The following ST6GALNAC3 variants were observed in gnomAD, a reference collection of about 807,000 sequenced individuals.
ST6GALNAC3 encodes the protein ST6 N-acetylgalactosaminide alpha-2,6-sialyltransferase 3, also known as alpha-N-acetylgalactosaminide alpha-2,6-sialyltransferase 3.
In ST6GALNAC3, 25 loss-of-function variants were observed where a neutral mutation model predicts 32.7. The observed-to-expected ratio is 0.76, with a 90% CI of 0.56 to 1.07. The LOEUF (loss-of-function observed/expected upper bound fraction) is 1.07. ST6GALNAC3 is among the 50% of genes least tolerant of loss of function. ST6GALNAC3 has a pLI of 0.00. For synonymous variants in ST6GALNAC3, 129 were observed against 133.1 expected (o/e 0.97, Z 0.21); for missense variants, 355 against 382.4 (o/e 0.93, Z 0.60).
At chr1:76,595,742 A>G (rs1390108472) in intron 3 of ST6GALNAC3, among the ~76,000 whole-genome samples, 2 of 152,138 alleles carry the variant, frequency 1.3e-5, no homozygotes, top group African/African-American at 2.4e-5. Flanking sequence ...TTGCAGTTAC[A>G]TATATAAAAG....
intron 2 of ST6GALNAC3, among the ~76,000 whole-genome samples, chr1:76,339,390 T>C (rs958308590): frequency 4.6e-5 from 7 of 152,100 alleles, no homozygotes; most frequent in Non-Finnish European, 8.8e-5. Context: ...GGGAAGTTCC[T>C]AGGAAAAAGA....
intron 1 of ST6GALNAC3, among the ~76,000 whole-genome samples, chr1:76,217,701 T>C (rs979562911): frequency 3.3e-5 from 5 of 152,220 alleles, no homozygotes; most frequent in African/African-American, 1.2e-4. Flanking sequence ...CCAAAGTCCA[T>C]TGTATCATTC....
Position 76,509,606 on chromosome 1 carries a change from T to C in ST6GALNAC3, c.623+97189T>C, listed in dbSNP as rs1661706720. 6.6e-6 allele frequency among the ~76,000 whole-genome samples: 1 copy of C among 152,220 alleles called. No individual in the cohort carries two copies. The highest frequency in any genetic ancestry group is 1.9e-4 in the East Asian group (1 of 5,200). ...TAACAAATTATCACCAACTTTGTGG[T>C]TTAAAACAACACAAAGTTATTTTAT... On this transcript the variant is annotated intron_variant, in intron 3 of 4. Transcript: ENST00000328299. This position sits in a 1 kb window ranked among gnomAD's most constrained non-coding sequence, Gnocchi z 5.5.
chr1:76,344,697 A>T (rs1343757040), intron 2 of ST6GALNAC3, among the ~76,000 whole-genome samples: 1 of 152,208 alleles, frequency 6.6e-6, no homozygotes, highest in East Asian at 1.9e-4. Flanking sequence ...AGAATATGCT[A>T]TACTTTCCAA....
chr1:76,431,527 T>G (rs1405989690), intron 3 of ST6GALNAC3, among the ~76,000 whole-genome samples: 1 of 152,182 alleles, frequency 6.6e-6, no homozygotes, highest in Non-Finnish European at 1.5e-5. Flanking sequence ...TTCCTCTCCC[T>G]TTCTGTCTCT....
chr1:76,344,970 T>C (rs1648376874), intron 2 of ST6GALNAC3, among the ~76,000 whole-genome samples: 1 of 152,192 alleles, frequency 6.6e-6, no homozygotes, highest in Non-Finnish European at 1.5e-5. Context: ...GCTAGCTCTA[T>C]CATTTCCTCA....
chr1:76,267,405 C>A (rs1315664861), intron 1 of ST6GALNAC3, among the ~76,000 whole-genome samples: 1 of 152,144 alleles, frequency 6.6e-6, no homozygotes. Context: ...AACTACCTTC[C>A]TTACTTTATT....
chr1:76,579,759 G>C (rs1023181890), intron 3 of ST6GALNAC3, among the ~76,000 whole-genome samples: 2 of 151,944 alleles, frequency 1.3e-5, no homozygotes, highest in Non-Finnish European at 2.9e-5. Context: ...CTTATTTACT[G>C]TACTTAGTAG....
At chr1:76,621,307 T>G (rs1452075993) in intron 3 of ST6GALNAC3, among the ~76,000 whole-genome samples, 1 of 152,090 alleles carries the variant, frequency 6.6e-6, no homozygotes, top group East Asian at 1.9e-4. Flanking sequence ...TTTTCCATTT[T>G]TTGTTATTTT....
At chr1:76,465,429 G>A (rs73006167) in intron 3 of ST6GALNAC3, among the ~76,000 whole-genome samples, 2,780 of 152,228 alleles carry the variant, frequency 0.018, 78 homozygotes, top group African/African-American at 0.064. Context: ...TGTCAGTGTC[G>A]TCTCAATGGA....
At chr1:76,480,828 T>G (rs1659676539) in intron 3 of ST6GALNAC3, among the ~76,000 whole-genome samples, 1 of 152,128 alleles carries the variant, frequency 6.6e-6, no homozygotes, top group Non-Finnish European at 1.5e-5. Context: ...ACAATCAAAA[T>G]GCCATATATT....
At chr1:76,171,117 G>GTGTGTGTGTT (rs1652467726) in intron 1 of ST6GALNAC3, among the ~76,000 whole-genome samples, 1 of 120,708 alleles carries the variant, frequency 8.3e-6, no homozygotes, top group Non-Finnish European at 1.8e-5. Context: ...GTGTGTGTGT[G>GTGTGTGTGTT]TGTGCTGAAG....
chr1:76,628,196 A>T (rs1478573882), intron 4 of ST6GALNAC3, among the ~76,000 whole-genome samples: 1 of 151,952 alleles, frequency 6.6e-6, no homozygotes, highest in African/African-American at 2.4e-5. Flanking sequence ...TTTAATCATA[A>T]TGTCAAAATG....
At chr1:76,077,930 T>C (rs1170210186) in intron 1 of ST6GALNAC3, among the ~76,000 whole-genome samples, 1 of 152,132 alleles carries the variant, frequency 6.6e-6, no homozygotes, top group Non-Finnish European at 1.5e-5. Flanking sequence ...TGGCTTATGG[T>C]TTAGTAAGGA....
intron 3 of ST6GALNAC3, among the ~76,000 whole-genome samples, chr1:76,485,400 G>T (rs187989030): frequency 0.011 from 1,718 of 152,172 alleles, 18 homozygotes; most frequent in Non-Finnish European, 0.019. Context: ...CAATTTCAGA[G>T]CCTGTTATTG....
chr1:76,636,373 G>A (rs1649505436), downstream of ST6GALNAC3, among the ~76,000 whole-genome samples: 1 of 152,140 alleles, frequency 6.6e-6, no homozygotes, highest in African/African-American at 2.4e-5. Flanking sequence ...AGATGTCACA[G>A]AGATTAGCCT....
chr1:76,307,023 A>C (rs1661101304), intron 1 of ST6GALNAC3, among the ~76,000 whole-genome samples: 1 of 152,132 alleles, frequency 6.6e-6, no homozygotes. Flanking sequence ...CTCCCTTTAT[A>C]GAAAAGAAAG....
intron 1 of ST6GALNAC3, among the ~76,000 whole-genome samples, chr1:76,169,103 A>G (rs981197941): frequency 2.0e-5 from 3 of 152,008 alleles, no homozygotes; most frequent in Admixed American, 6.6e-5. Flanking sequence ...TTTCCTTTCC[A>G]TATTTAGCGT....
intron 1 of ST6GALNAC3, among the ~76,000 whole-genome samples, chr1:76,223,508 C>T (rs1414874941): frequency 2.6e-5 from 4 of 152,098 alleles, no homozygotes; most frequent in South Asian, 4.1e-4. Flanking sequence ...AACCCTGTGA[C>T]ACACAGTTTA....
Sources: allele counts gnomAD v4.1 joint callset (sites outside exome capture counted in the v4.1 genomes callset), GRCh38; gene constraint gnomAD v4.1.1; non-coding constraint Gnocchi (gnomAD v3.1); transcripts MANE v1.5; gene names NCBI Gene and HGNC (gene_info 2026-07-23, HGNC 2026-07-21).